Variants in CNTNAP2 observed in about 807,000 individuals in gnomAD.
The protein encoded by CNTNAP2 is contactin-associated protein-like 2.
A neutral mutation model predicts 155.2 loss-of-function variants in CNTNAP2; 98 were observed. That is an observed-to-expected ratio of 0.63 (90% CI 0.54 to 0.75). CNTNAP2 has a LOEUF of 0.75. CNTNAP2 is among the 30% of genes least tolerant of loss of function. The probability of loss-of-function intolerance (pLI) is 0.00; values close to 1 mark genes in which losing one functional copy is unlikely to be tolerated. For synonymous variants in CNTNAP2, 651 were observed against 631.2 expected (o/e 1.03, Z -0.47); for missense variants, 1,727 against 1,688.1 (o/e 1.02, Z -0.40).
At position 148,409,348 on chromosome 7, in the gene CNTNAP2, T is replaced by C. The variant is rs530074034; in HGVS notation, c.3716-43T>C. 19 of 1,428,336 alleles carry C rather than the reference T, an allele frequency of 1.3e-5. No individual in the cohort carries two copies. The African/African-American group carries it at 2.0e-4, about 15-fold the overall frequency. 88.5% of individuals were successfully genotyped at this position (1,428,336 alleles called of 1,614,324 possible). A position where few individuals can be genotyped will look rare whatever the true frequency, so the allele number is the denominator to read the frequency against. On this transcript the variant is annotated intron_variant, in intron 22 of 23. Transcript: ENST00000361727. ...TAGGTATCAAATTATTTGGGATCAA[T>C]AGTATACTTGACTCTGACACTTGAC... is the stretch of plus-strand genomic sequence containing the variant.
intron 1 of CNTNAP2, among the ~76,000 whole-genome samples, chr7:146,320,281 T>C (rs1426755105): frequency 1.3e-5 from 2 of 152,156 alleles, no homozygotes; most frequent in Admixed American, 6.6e-5. Context: ...TGAGGTTTTG[T>C]TTCTGTTTTG....
At chr7:146,827,914 C>G (rs912527892) in intron 2 of CNTNAP2, among the ~76,000 whole-genome samples, 5 of 152,026 alleles carry the variant, frequency 3.3e-5, no homozygotes, top group Admixed American at 6.6e-5. Flanking sequence ...GTGACTTTGA[C>G]TAGATTATAT....
intron 8 of CNTNAP2, among the ~76,000 whole-genome samples, chr7:147,232,852 C>T (rs1803715552): frequency 6.6e-6 from 1 of 152,104 alleles, no homozygotes; most frequent in South Asian, 2.1e-4. Context: ...TGATCTGTAA[C>T]TGGTAAGCAA....
At chr7:146,163,499 CTATA>C (rs1308594081) in intron 1 of CNTNAP2, among the ~76,000 whole-genome samples, 2 of 91,966 alleles carry the variant, frequency 2.2e-5, no homozygotes, top group Non-Finnish European at 2.2e-5. Context: ...ATATCTATAT[CTATA>C]TATCTATATA....
At chr7:148,220,542 A>G (rs984261396) in intron 19 of CNTNAP2, among the ~76,000 whole-genome samples, 1 of 152,168 alleles carries the variant, frequency 6.6e-6, no homozygotes, top group Non-Finnish European at 1.5e-5. Flanking sequence ...GATTAATGAT[A>G]TGGGGAAATT....
At chr7:146,513,725 C>A (rs956043063) in intron 1 of CNTNAP2, among the ~76,000 whole-genome samples, 2 of 151,956 alleles carry the variant, frequency 1.3e-5, no homozygotes, top group Non-Finnish European at 2.9e-5. Context: ...TTTCACATTG[C>A]AATGACAGTG....
At chr7:146,795,701 G>C (rs1469525169) in intron 2 of CNTNAP2, among the ~76,000 whole-genome samples, 4 of 152,142 alleles carry the variant, frequency 2.6e-5, no homozygotes, top group Non-Finnish European at 4.4e-5. Context: ...GCAGCCTGAG[G>C]GTTGTCCGCA....
chr7:146,892,098 A>G (rs2129211677), intron 3 of CNTNAP2, among the ~76,000 whole-genome samples: 1 of 152,246 alleles, frequency 6.6e-6, no homozygotes, highest in South Asian at 2.1e-4. Context: ...GCAGCAGTTC[A>G]TTTGTGCTTT....
intron 16 of CNTNAP2, among the ~76,000 whole-genome samples, chr7:148,138,251 T>G (rs1189440156): frequency 6.6e-6 from 1 of 152,226 alleles, no homozygotes; most frequent in South Asian, 2.1e-4. Context: ...AAGATAGCCA[T>G]GCATAGCACA....
chr7:146,566,737 A>G (rs1417956571), intron 1 of CNTNAP2, among the ~76,000 whole-genome samples: 1 of 151,942 alleles, frequency 6.6e-6, no homozygotes, highest in Non-Finnish European at 1.5e-5. Flanking sequence ...TAAAATTAAA[A>G]AAAAGGAAAA....
chr7:147,868,279 G>C (rs189390199), intron 13 of CNTNAP2, among the ~76,000 whole-genome samples: 1 of 152,330 alleles, frequency 6.6e-6, no homozygotes. Context: ...CACCAGCAGA[G>C]GCTGCAAAAC....
intron 1 of CNTNAP2, among the ~76,000 whole-genome samples, chr7:146,213,526 G>T (rs1474797395): frequency 1.3e-5 from 2 of 152,168 alleles, no homozygotes; most frequent in African/African-American, 4.8e-5. Context: ...TGAGATTGTT[G>T]TATGTTGGGC....
intron 9 of CNTNAP2, among the ~76,000 whole-genome samples, chr7:147,371,595 T>C (rs1796338495): frequency 6.6e-6 from 1 of 152,154 alleles, no homozygotes. Flanking sequence ...ATTTAGTCTT[T>C]TGTAGTGTTG....
Position 146,309,021 on chromosome 7 carries a change from A to G in CNTNAP2, c.97+192048A>G, listed in dbSNP as rs189219233. Among the ~76,000 whole-genome samples the G allele has an allele frequency of 3.9e-5, 6 of 152,284 alleles. No individual in the cohort carries two copies. In the East Asian group the frequency reaches 1.2e-3, roughly 29 times the overall value. On this transcript the variant is annotated intron_variant, in intron 1 of 23. Coordinates refer to ENST00000361727, the MANE Select transcript of CNTNAP2 (RefSeq NM_014141.6). ...AGAAACTTTGTACTTACTGAACAGC[A>G]AACAACAGACTATCTTTTAAACCCA...
chr7:148,233,432 G>C (rs955428662), intron 20 of CNTNAP2, among the ~76,000 whole-genome samples: 1 of 152,160 alleles, frequency 6.6e-6, no homozygotes, highest in Admixed American at 6.5e-5. Context: ...AGGTCACAAG[G>C]TCTTACCACT....
chr7:146,303,945 G>A (rs1255088433), intron 1 of CNTNAP2, among the ~76,000 whole-genome samples: 1 of 152,022 alleles, frequency 6.6e-6, no homozygotes, highest in African/African-American at 2.4e-5. Context: ...ATGAATCTGG[G>A]TGCTCCTATA....
chr7:146,640,217 C>CT (rs1451116111), intron 1 of CNTNAP2, among the ~76,000 whole-genome samples: 1 of 152,128 alleles, frequency 6.6e-6, no homozygotes, highest in Non-Finnish European at 1.5e-5. Flanking sequence ...TTATTTTCTT[C>CT]TTTTGGAATA....
intron 1 of CNTNAP2, among the ~76,000 whole-genome samples, chr7:146,735,985 T>C (rs1317431899): frequency 1.3e-5 from 2 of 152,172 alleles, no homozygotes; most frequent in African/African-American, 4.8e-5. Context: ...CATTACCTAT[T>C]GTATAAGTGC....
intron 13 of CNTNAP2, among the ~76,000 whole-genome samples, chr7:147,785,544 C>G (rs931741593): frequency 2.6e-5 from 4 of 152,172 alleles, no homozygotes; most frequent in African/African-American, 9.6e-5. Flanking sequence ...AATAAGCGAA[C>G]CAGCTAGAAA....
Sources: gnomAD v4.1 joint callset for allele counts (sites outside exome capture counted in the v4.1 genomes callset) on GRCh38, gnomAD v4.1.1 for gene constraint, MANE v1.5 for transcripts, NCBI Gene and HGNC (gene_info 2026-07-23, HGNC 2026-07-21) for gene names.